ATP10A: variants seen among roughly 807,000 people sequenced by gnomAD.
ATP10A encodes ATPase phospholipid transporting 10A (putative), also known as phospholipid-transporting ATPase VA.
A neutral mutation model predicts 147.8 loss-of-function variants in ATP10A; 111 were observed. That is an observed-to-expected ratio of 0.75 (90% CI 0.64 to 0.88). ATP10A has a LOEUF of 0.88. Ranked by LOEUF, ATP10A falls within the 40% of genes least tolerant of loss-of-function variation. The pLI is 0.00. For missense variants in ATP10A, 1,927 were observed against 1,959.0 expected (o/e 0.98, Z 0.31); for synonymous variants, 875 against 841.6 (o/e 1.04, Z -0.69).
chr15:25,716,565 C>T (rs1487974177), intron 9 of ATP10A, among the ~76,000 whole-genome samples, 165 bp downstream of exon 9: 3 of 152,232 alleles, frequency 2.0e-5, no homozygotes, highest in African/African-American at 7.2e-5. Flanking sequence ...ACCACAAGCA[C>T]TGTTTTGCCC....
At chr15:25,704,332 G>A (rs1007653678) in intron 12 of ATP10A, among the ~76,000 whole-genome samples, 6 of 152,224 alleles carry the variant, frequency 3.9e-5, no homozygotes, top group South Asian at 2.1e-4. Flanking sequence ...TTCCACTACA[G>A]TGCTTGAAAC....
At chr15:25,863,623 G>A (rs1250304115), upstream of ATP10A, 1 of 152,468 alleles carries the variant, frequency 6.6e-6, no homozygotes, top group East Asian at 1.9e-4. Flanking sequence ...CCCTTCCAGG[G>A]GCCAGACCTG....
intron 7 of ATP10A, among the ~76,000 whole-genome samples, chr15:25,720,668 G>A (rs1490082112): frequency 1.6e-4 from 2 of 12,420 alleles, no homozygotes; most frequent in East Asian, 0.33. Flanking sequence ...AGTGGATGGA[G>A]TACTGTCATG....
At chr15:25,845,684 T>C (rs143099660) in intron 1 of ATP10A, among the ~76,000 whole-genome samples, 77 of 152,044 alleles carry the variant, frequency 5.1e-4, no homozygotes, top group African/African-American at 1.7e-3. Context: ...AGCAGCATAG[T>C]GAGTTAAGGG....
At chr15:25,729,725 G>A (rs1395924441) in intron 3 of ATP10A, among the ~76,000 whole-genome samples, 1 of 152,144 alleles carries the variant, frequency 6.6e-6, no homozygotes, top group Admixed American at 6.5e-5. Flanking sequence ...AGGTAGCCCG[G>A]CCTTCCGGCC....
At chr15:25,782,236 T>A (rs1376246435) in intron 1 of ATP10A, among the ~76,000 whole-genome samples, 5 of 152,184 alleles carry the variant, frequency 3.3e-5, no homozygotes, top group Admixed American at 3.3e-4. Context: ...GAAAGTGGAT[T>A]AGGCACCATC....
At chr15:25,790,969 T>C (rs1890391856) in intron 1 of ATP10A, among the ~76,000 whole-genome samples, 1 of 152,184 alleles carries the variant, frequency 6.6e-6, no homozygotes, top group South Asian at 2.1e-4. Flanking sequence ...GCATTGTAAA[T>C]ATTTTTTCCT....
Position 25,695,032 on chromosome 15 carries a change from G to A in ATP10A, c.2875C>T (p.Pro959Ser). 1 of 1,614,140 alleles carries A rather than the reference G, an allele frequency of 6.2e-7. No homozygotes were observed. The highest frequency in any genetic ancestry group is 1.3e-5 in the African/African-American group (1 of 75,028). Residue 959 changes from proline to serine, a missense_variant, in exon 14 of 21, where the codon CCA (proline) becomes TCA (serine). Physicochemically the swap from Pro to Ser is moderately conservative, Grantham distance 74. Transcript: ENST00000555815. ...CCAGAGGCAGTGGACGTGGAGGGTG[G>A]GCAGAGAGAGGAGAACCTCATGCTC... ...KVSMRFSSLC[P>S]PSTSTASGRR...
In ATP10A at chr15:25,713,970, T is replaced by G. The variant is rs771562859; in HGVS notation, c.2048A>C (p.Gln683Pro). The G allele has an allele frequency of 1.9e-6, 3 of 1,609,952 alleles. No individual in the cohort carries two copies. ...CAGCTCGCGCTCTGACTCCTGCTCCTGAGCAAGCTCCGAGGCCCAGTTGTC... is the reference window on the plus strand; with the variant it reads ...CAGCTCGCGCTCTGACTCCTGCTCCGGAGCAAGCTCCGAGGCCCAGTTGTC... ...QADNWASELA[Q>P]EQESERELRY... Residue 683 changes from glutamine (Q) to proline (P), a missense_variant, in exon 10 of 21, where the codon CAG becomes CCG. Coordinates refer to ENST00000555815, the MANE Select transcript of ATP10A (RefSeq NM_024490.4).
At chr15:25,732,080 C>G (rs1886970032) in intron 3 of ATP10A, among the ~76,000 whole-genome samples, 1 of 152,112 alleles carries the variant, frequency 6.6e-6, no homozygotes, top group Non-Finnish European at 1.5e-5. Flanking sequence ...CTACATTGTC[C>G]AGGCTGCTCT....
At chr15:25,704,766 G>A (rs191099942) in intron 12 of ATP10A, among the ~76,000 whole-genome samples, 29 of 152,326 alleles carry the variant, frequency 1.9e-4, no homozygotes, top group Admixed American at 1.7e-3. Flanking sequence ...GGGGCACAGC[G>A]GCTTTCTTCA....
In ATP10A at chr15:25,830,197, GA is replaced by G. The variant is rs755856722; in HGVS notation, c.449+32450del. Among the ~76,000 whole-genome samples, 12 of 152,260 alleles carry G rather than the reference GA, an allele frequency of 7.9e-5. No individual in the cohort carries two copies. The South Asian group carries it at 1.5e-3, about 18-fold the overall frequency. The stretch of plus-strand genomic sequence containing the variant: ...CAGGCACCTGGGGGTAAATGCAGGA[GA>G]GGGGGTGCAGCCATGCAGCGCTGGC... On this transcript the variant is annotated intron_variant, in intron 1 of 20. Transcript: ENST00000555815.
At chr15:25,773,270 C>T (rs536040205) in intron 2 of ATP10A, among the ~76,000 whole-genome samples, 2 of 152,198 alleles carry the variant, frequency 1.3e-5, no homozygotes, top group East Asian at 1.9e-4. Context: ...ACTCGCAAAC[C>T]GAAAGCATTG....
intron 1 of ATP10A, among the ~76,000 whole-genome samples, chr15:25,782,949 T>G (rs1335805205): frequency 1.3e-5 from 2 of 151,942 alleles, no homozygotes; most frequent in Non-Finnish European, 2.9e-5. Context: ...GCAGCAGGAT[T>G]GCTTGAGGCT....
At chr15:25,831,023 AT>A (rs1373143150) in intron 1 of ATP10A, among the ~76,000 whole-genome samples, 2 of 152,158 alleles carry the variant, frequency 1.3e-5, no homozygotes, top group Non-Finnish European at 1.5e-5. Context: ...CCAAAATTAT[AT>A]TTGGGGCAAA....
intron 2 of ATP10A, among the ~76,000 whole-genome samples, chr15:25,745,954 A>G (rs74373458): frequency 0.015 from 2,229 of 152,320 alleles, 22 homozygotes; most frequent in Non-Finnish European, 0.022. Context: ...GCAAAAATGG[A>G]GAGAAAAAAG....
intron 1 of ATP10A, among the ~76,000 whole-genome samples, chr15:25,825,985 C>CA (rs1462660772): frequency 6.6e-6 from 1 of 151,554 alleles, no homozygotes; most frequent in Non-Finnish European, 1.5e-5. Flanking sequence ...AGAGATATTG[C>CA]AAAAAAGAAC....
rs201890215 is a variant in ATP10A, at chr15:25,713,836, G to T, written c.2182C>A (p.His728Asn). The change falls in exon 10 of 21, where the codon CAC becomes AAC. Residue 728 changes from histidine to asparagine, a missense_variant. By Grantham distance (68) the His-to-Asn change is moderately conservative. Coordinates refer to ENST00000555815, the MANE Select transcript of ATP10A (RefSeq NM_024490.4). Reference protein sequence around the residue: ...LHDQVSVELPHLGRLTFELLH... With the variant: ...LHDQVSVELPNLGRLTFELLH... ...AGCTCGAAGGTGAGCCTGCCCAGGT[G>T]GGGCAGCTCCACTGACACTTGGTCG... 7.4e-6 allele frequency: 12 copies of T among 1,613,892 alleles called. No individual in the cohort carries two copies. Among genetic ancestry groups the T allele is most frequent in the Non-Finnish European group, 1.0e-5 (12 of 1,180,050 alleles).
At chr15:25,815,288 C>A (rs1457451797) in intron 1 of ATP10A, among the ~76,000 whole-genome samples, 1 of 152,188 alleles carries the variant, frequency 6.6e-6, no homozygotes, top group Non-Finnish European at 1.5e-5. Flanking sequence ...CACGTGACTT[C>A]CAGTTTCAGA....
Sources: allele counts gnomAD v4.1 joint callset (sites outside exome capture counted in the v4.1 genomes callset), GRCh38; gene constraint gnomAD v4.1.1; transcripts MANE v1.5; gene names NCBI Gene and HGNC (gene_info 2026-07-23, HGNC 2026-07-21).